Variants in ARHGEF17 observed in about 807,000 individuals in gnomAD.
The protein encoded by ARHGEF17 is Rho guanine nucleotide exchange factor 17, also known as 164 kDa Rho-specific guanine-nucleotide exchange factor.
A neutral mutation model predicts 174.0 loss-of-function variants in ARHGEF17; 80 were observed. The ratio of observed to expected loss-of-function variants is 0.46; its 90% confidence interval spans 0.38 to 0.55. The LOEUF is 0.55. Ranked by LOEUF, ARHGEF17 falls within the 20% of genes least tolerant of loss-of-function variation. The probability of loss-of-function intolerance (pLI) is 0.00; values close to 1 mark genes in which losing one functional copy is unlikely to be tolerated. For missense variants in ARHGEF17, 2,886 were observed against 2,839.7 expected, an observed-to-expected ratio of 1.02 and a Z score of -0.37; for synonymous variants, 1,311 against 1,189.1, an observed-to-expected ratio of 1.10 and a Z score of -2.11.
chr11:73,339,052 C>T (rs1591741057), intron 1 of ARHGEF17, among the ~76,000 whole-genome samples: 1 of 152,126 alleles, frequency 6.6e-6, no homozygotes, highest in Non-Finnish European at 1.5e-5. Flanking sequence ...CAGGCACTCT[C>T]TTGACAAAGA....
chr11:73,364,881 G>A, intron 18 of ARHGEF17: 2 of 414,892 alleles, frequency 4.8e-6, no homozygotes, highest in South Asian at 8.5e-5. Flanking sequence ...TTGGGGATAG[G>A]ACAAGAGTCC....
chr11:73,313,036 G>A (rs1057441926), intron 1 of ARHGEF17, among the ~76,000 whole-genome samples: 3 of 152,140 alleles, frequency 2.0e-5, no homozygotes, highest in Non-Finnish European at 2.9e-5. Flanking sequence ...CTCCCACTGC[G>A]CTCCCTGACT....
At chr11:73,345,362 G>T (rs1163062189) in intron 1 of ARHGEF17, among the ~76,000 whole-genome samples, 1 of 152,126 alleles carries the variant, frequency 6.6e-6, no homozygotes, top group Non-Finnish European at 1.5e-5. Flanking sequence ...GCCCCAAGGG[G>T]TGTCCTTCAC....
Position 73,362,475 on chromosome 11 carries a change from G to A in ARHGEF17, c.4737G>A (p.Pro1579=), listed in dbSNP as rs1390196850. 6 of 1,592,396 alleles carry A rather than the reference G, an allele frequency of 3.8e-6. No homozygotes were observed. The highest frequency in any genetic ancestry group is 1.1e-5 in the South Asian group (1 of 90,124). ...PSLRSPPETA[P]EPAGPELDVE... is the part of the protein sequence containing the mutation. ...TGAGGAGTCCTCCAGAGACGGCACCGGAGCCCGCCGGGCCGGAGCTGGACG... is the reference window on the plus strand; with the variant it reads ...TGAGGAGTCCTCCAGAGACGGCACCAGAGCCCGCCGGGCCGGAGCTGGACG... The change falls in exon 14 of 21, where the codon CCG becomes CCA. Residue 1579 remains proline (P), a synonymous_variant. Coordinates refer to ENST00000263674, the MANE Select transcript of ARHGEF17 (RefSeq NM_014786.4).
At position 73,329,352 on chromosome 11, in the gene ARHGEF17, TATATATATATATA is replaced by T. The variant is rs1298911990; in HGVS notation, c.3192+17523_3193-17518del. Among the ~76,000 whole-genome samples, 26 of 44,674 alleles carry T rather than the reference TATATATATATATA, an allele frequency of 5.8e-4. 2 individuals are homozygous for T. The highest frequency in any genetic ancestry group is 4.8e-4 in the Non-Finnish European group (12 of 24,936). 29.3% of individuals were successfully genotyped at this position (44,674 alleles called of 152,430 possible). On this transcript the variant is annotated intron_variant, in intron 1 of 20. Coordinates refer to ENST00000263674, the MANE Select transcript of ARHGEF17 (RefSeq NM_014786.4). ...ATATATATATATATATATATATATA[TATATATATATATA>T]TATATATATTTTTTTTTTTTTTTTG...
At chr11:73,356,424 T>G in intron 6 of ARHGEF17, 73 bp downstream of exon 6, 4 of 1,374,626 alleles carry the variant, frequency 2.9e-6, no homozygotes, top group Non-Finnish European at 3.8e-6. Context: ...TCTGTGTGCA[T>G]CTGTGGCCAC....
chr11:73,346,044 G>T (rs1865455223), intron 1 of ARHGEF17, among the ~76,000 whole-genome samples: 1 of 152,088 alleles, frequency 6.6e-6, no homozygotes, highest in Admixed American at 6.5e-5. Context: ...AGGCATCCCA[G>T]ACAGGGATGA....
chr11:73,308,702 T>C lies in ARHGEF17; in HGVS notation c.64T>C (p.Trp22Arg), dbSNP rs1864735896. 1 of 1,518,370 alleles carries C rather than the reference T, an allele frequency of 6.6e-7. No individual in the cohort carries two copies. The highest frequency in any genetic ancestry group is 8.8e-7 in the Non-Finnish European group (1 of 1,136,798). The allele number at this position is 1,518,370 out of a possible 1,614,324, so 94.1% of individuals were successfully genotyped here. A position where few individuals can be genotyped will look rare whatever the true frequency, so the allele number is the denominator to read the frequency against. ...RSVSFKLLERWSGGPGLREED... is the reference protein window; with the variant it reads ...RSVSFKLLERRSGGPGLREED... Reference sequence around the variant, plus strand: ...CGTCTCGTTCAAGCTGCTGGAGCGCTGGAGCGGCGGCCCCGGGCTGAGGGA... The same window carrying C: ...CGTCTCGTTCAAGCTGCTGGAGCGCCGGAGCGGCGGCCCCGGGCTGAGGGA... The change falls in exon 1 of 21, where the codon TGG becomes CGG. Residue 22 changes from tryptophan to arginine, a missense_variant. Physicochemically the swap from Trp to Arg is moderately radical, Grantham distance 101 (BLOSUM62 -3). This residue lies in a region of ARHGEF17 where 1,728 missense variants were observed against 1,461.2 expected (regional missense o/e 1.18). Coordinates refer to ENST00000263674, the MANE Select transcript of ARHGEF17 (RefSeq NM_014786.4).
Position 73,308,710 on chromosome 11 carries a change from C to A in ARHGEF17, c.72C>A (p.Gly24=). ...TCAAGCTGCTGGAGCGCTGGAGCGG[C>A]GGCCCCGGGCTGAGGGAGGAGGACA... is the stretch of plus-strand genomic sequence containing the variant. The part of the protein sequence containing the change: ...VSFKLLERWS[G]GPGLREEDTD... The change falls in exon 1 of 21, where the codon GGC becomes GGA. Residue 24 remains glycine, a synonymous_variant. Coordinates refer to ENST00000263674, the MANE Select transcript of ARHGEF17 (RefSeq NM_014786.4). The A allele has an allele frequency of 6.6e-7, 1 of 1,514,286 alleles. No homozygotes were observed. The highest frequency in any genetic ancestry group is 8.8e-7 in the Non-Finnish European group (1 of 1,135,500). The allele number at this position is 1,514,286 out of a possible 1,614,324, so 93.8% of individuals were successfully genotyped here.
chr11:73,327,994 C>A (rs1395297599), intron 1 of ARHGEF17, among the ~76,000 whole-genome samples: 1 of 152,086 alleles, frequency 6.6e-6, no homozygotes, highest in Non-Finnish European at 1.5e-5. Flanking sequence ...ATGATGATGG[C>A]ACCTATTATA....
Position 73,364,562 on chromosome 11 carries a change from C to A in ARHGEF17, c.5512C>A (p.Arg1838=). ...GCGGCTGTGGTGTGGCTGCCAGAAC[C>A]GAGTCCTTGTCCTGAGCCCTGACAC... The part of the protein sequence containing the change: ...GGRLWCGCQN[R]VLVLSPDTLQ... The change falls in exon 18 of 21, where the codon CGA becomes AGA. Residue 1838 remains arginine (R), a synonymous_variant. Coordinates refer to ENST00000263674, the MANE Select transcript of ARHGEF17 (RefSeq NM_014786.4). 1 of 1,613,630 alleles carries A rather than the reference C, an allele frequency of 6.2e-7. No individual in the cohort carries two copies. Among genetic ancestry groups the A allele is most frequent in the Non-Finnish European group, 8.5e-7 (1 of 1,179,926 alleles).
At chr11:73,343,023 C>A (rs556961224) in intron 1 of ARHGEF17, 5 of 261,140 alleles carry the variant, frequency 1.9e-5, no homozygotes, top group Admixed American at 5.5e-5. Context: ...GCGGCTGCCG[C>A]CGCGGCCGGG....
At position 73,309,401 on chromosome 11, in the gene ARHGEF17, G is replaced by A; in HGVS notation, c.763G>A (p.Glu255Lys). 1.3e-6 allele frequency: 2 copies of A among 1,558,254 alleles called. No homozygotes were observed. The highest frequency in any genetic ancestry group is 1.7e-6 in the Non-Finnish European group (2 of 1,150,080). Reference sequence around the variant, plus strand: ...TGCTGCCAGCTCCAGCGAGGAGGAAGAGGAGGGCCCGCCGCAGCTGCCTGG... The same window carrying A: ...TGCTGCCAGCTCCAGCGAGGAGGAAAAGGAGGGCCCGCCGCAGCTGCCTGG... ...SRAASSSEEE[E>K]EGPPQLPGAQ... is the part of the protein sequence containing the mutation. The change falls in exon 1 of 21, where the codon GAG becomes AAG. Residue 255 changes from glutamate to lysine, a missense_variant. By Grantham distance (56) the Glu-to-Lys change is moderately conservative (BLOSUM62 1). Transcript: ENST00000263674.
chr11:73,331,510 AGCCAG>A (rs1865202992), intron 1 of ARHGEF17, among the ~76,000 whole-genome samples: 1 of 152,036 alleles, frequency 6.6e-6, no homozygotes, highest in Non-Finnish European at 1.5e-5. Flanking sequence ...CCATGGCAAC[AGCCAG>A]TTCACAGGGC....
rs956712701 is a variant in ARHGEF17 at position 73,308,578 on chromosome 11, G to T, written c.-61G>T. On this transcript the variant is annotated 5_prime_UTR_variant, in exon 1 of 21. Coordinates refer to ENST00000263674, the MANE Select transcript of ARHGEF17 (RefSeq NM_014786.4). ...GCCGCTGCGCTCCTAGGGAGTGGGG[G>T]CGCAGGGGGGGTTGGCCGCGGCTGC... 17 of 1,345,140 alleles carry T rather than the reference G, an allele frequency of 1.3e-5. No individual in the cohort carries two copies. The highest frequency in any genetic ancestry group is 3.8e-5 in the Admixed American group (1 of 26,156). The allele number at this position is 1,345,140 out of a possible 1,614,324, so 83.3% of individuals were successfully genotyped here. A position where few individuals can be genotyped will look rare whatever the true frequency, so the allele number is the denominator to read the frequency against.
In ARHGEF17 at chr11:73,311,052, A is replaced by G; in HGVS notation, c.2414A>G (p.Gln805Arg). The change falls in exon 1 of 21, where the codon CAG becomes CGG. Residue 805 changes from glutamine to arginine, a missense_variant. Around this residue, in one of 4 missense-constraint regions of ARHGEF17, gnomAD observed 1,728 missense variants for 1,461.2 expected, o/e 1.18. Coordinates refer to ENST00000263674, the MANE Select transcript of ARHGEF17 (RefSeq NM_014786.4). ...CAGGAGGTTATTCAGAGCATAGTTC[A>G]GGGGCCTGGCACCCTGGGGCGTGTG... Reference protein sequence around the residue: ...GYQEVIQSIVQGPGTLGRVVD... With the variant: ...GYQEVIQSIVRGPGTLGRVVD... 6.2e-7 allele frequency: 1 copy of G among 1,614,072 alleles called. No individual in the cohort carries two copies. Among genetic ancestry groups the G allele is most frequent in the Non-Finnish European group, 8.5e-7 (1 of 1,179,946 alleles).
chr11:73,347,204 G>A, intron 2 of ARHGEF17: 1 of 583,472 alleles, frequency 1.7e-6, no homozygotes, highest in Non-Finnish European at 3.1e-6. Flanking sequence ...CTACCCTGCT[G>A]TTCTTCCACG....
chr11:73,332,007 T>A (rs1359106997), intron 1 of ARHGEF17, among the ~76,000 whole-genome samples: 2 of 152,166 alleles, frequency 1.3e-5, no homozygotes, highest in Non-Finnish European at 2.9e-5. Context: ...GGGGAGCTTG[T>A]CAGCCCTGCG....
intron 2 of ARHGEF17, among the ~76,000 whole-genome samples, chr11:73,351,583 T>C (rs1444904768): frequency 2.6e-5 from 4 of 152,146 alleles, no homozygotes; most frequent in Non-Finnish European, 5.9e-5. Context: ...CTGCTCTATC[T>C]TCACACCATT....
Sources: gnomAD v4.1 joint callset for allele counts (sites outside exome capture counted in the v4.1 genomes callset) on GRCh38, gnomAD v4.1.1 for gene constraint, gnomAD v4.1.1 regional missense constraint, MANE v1.5 for transcripts, NCBI Gene and HGNC (gene_info 2026-07-23, HGNC 2026-07-21) for gene names.